Variants in IFT122 observed in about 807,000 individuals in gnomAD.
IFT122 encodes intraflagellar transport protein 122 homolog.
Under a neutral mutation model 161.6 loss-of-function variants are expected in IFT122, and 118 were observed. That is an observed-to-expected ratio of 0.73 (90% CI 0.63 to 0.85). IFT122 has a LOEUF of 0.85. Among genes scored for constraint, IFT122 ranks in the 40% least tolerant of loss-of-function variants. IFT122 has a pLI of 0.00. For synonymous variants in IFT122, 550 were observed against 602.4 expected, an observed-to-expected ratio of 0.91 and a Z score of 1.27; for missense variants, 1,381 against 1,579.6, an observed-to-expected ratio of 0.87 and a Z score of 2.13.
chr3:129,478,728 T>C (rs925314253), intron 12 of IFT122, among the ~76,000 whole-genome samples: 1 of 152,168 alleles, frequency 6.6e-6, no homozygotes, highest in African/African-American at 2.4e-5. Flanking sequence ...ATTATAGGTG[T>C]GAGCCACTGT....
In IFT122 at chr3:129,499,773, G is replaced by A. The variant is rs186594478; in HGVS notation, c.2209-129G>A. The stretch of plus-strand genomic sequence containing the variant: ...TCCCCCAACTCAGCCCCTCAGGGCC[G>A]GGCCCTGCCTACCTCCTGGTTGCCT... On this transcript the variant is annotated intron_variant, in intron 18 of 29. Transcript: ENST00000348417. 9.5e-4 allele frequency: 1,014 copies of A among 1,072,758 alleles called. 20 individuals are homozygous for A. The East Asian group carries it at 0.016, about 17-fold the overall frequency. The allele number at this position is 1,072,758 out of a possible 1,614,324, so 66.5% of individuals were successfully genotyped here.
chr3:129,514,345 G>C (rs1254491569), intron 24 of IFT122, 44 bp from the exon 25 acceptor site: 4 of 1,609,190 alleles, frequency 2.5e-6, no homozygotes, highest in Non-Finnish European at 2.5e-6. Flanking sequence ...GCCAGCTCCT[G>C]GGCCTGGTGT....
chr3:129,463,758 C>G (rs1410779731), intron 6 of IFT122, 132 bp downstream of exon 6: 1 of 714,952 alleles, frequency 1.4e-6, no homozygotes, highest in East Asian at 2.7e-5. Flanking sequence ...TTCCTTTTTT[C>G]TTCTTTCTTC....
chr3:129,477,738 G>A lies in IFT122; in HGVS notation c.1148-278G>A, dbSNP rs183161327. 3.3e-5 allele frequency among the ~76,000 whole-genome samples: 5 copies of A among 152,326 alleles called. No homozygotes were observed. In the East Asian group the frequency reaches 9.6e-4, roughly 29 times the overall value. On this transcript the variant is annotated intron_variant, in intron 11 of 29. Transcript: ENST00000348417. ...CCGGGGGCCACTAGTGCTGTGCAGA[G>A]GAGTTTATATTTGTATCCAGCAAGT... is the stretch of plus-strand genomic sequence containing the variant.
rs771488065 is a variant in IFT122 at position 129,479,799 on chromosome 3, G to T, written c.1365G>T (p.Gln455His). The T allele has an allele frequency of 2.5e-6, 4 of 1,614,068 alleles. No homozygotes were observed. Among genetic ancestry groups the T allele is most frequent in the Non-Finnish European group, 3.4e-6 (4 of 1,180,032 alleles). The part of the protein sequence containing the change: ...HIILCQEKRL[Q>H]CLSFSGVKER... ...TTGCTTCCTAGGAGAAACGGCTGCAGTGCCTGTCCTTCAGCGGAGTGAAGG... is the reference window on the plus strand; with the variant it reads ...TTGCTTCCTAGGAGAAACGGCTGCATTGCCTGTCCTTCAGCGGAGTGAAGG... Residue 455 changes from glutamine (Q) to histidine (H), a missense_variant, in exon 13 of 30, where the codon CAG becomes CAT. Physicochemically the swap from Gln to His is conservative, Grantham distance 24. Around this residue, in one of 7 missense-constraint regions of IFT122, gnomAD observed 544 missense variants for 648.0 expected, o/e 0.84. Transcript: ENST00000348417.
In IFT122 at chr3:129,477,878, G is replaced by A; in HGVS notation, c.1148-138G>A. 2 of 718,980 alleles carry A rather than the reference G, an allele frequency of 2.8e-6. 1 individual carries two copies. Among genetic ancestry groups the A allele is most frequent in the South Asian group, 3.3e-5 (2 of 60,364 alleles). 44.5% of individuals were successfully genotyped at this position (718,980 alleles called of 1,614,324 possible). On this transcript the variant is annotated intron_variant, in intron 11 of 29. Transcript: ENST00000348417. ...TCAGCAGAGTTGATTGTATGTATTA[G>A]ATACTCTAAAGATTTTTCAATGAGA...
intron 1 of IFT122, 93 bp downstream of exon 1, chr3:129,440,464 T>C: frequency 1.4e-6 from 2 of 1,444,030 alleles, no homozygotes; most frequent in African/African-American, 1.4e-5. Context: ...GGCAGCGGGC[T>C]TGCTGCCTGG....
At chr3:129,451,572 A>G (rs2074854006) in intron 2 of IFT122, among the ~76,000 whole-genome samples, 1 of 152,162 alleles carries the variant, frequency 6.6e-6, no homozygotes, top group South Asian at 2.1e-4. Flanking sequence ...GGCTCTTTTT[A>G]TGGGCTAGTT....
chr3:129,456,383 G>T, intron 3 of IFT122: 2 of 796,952 alleles, frequency 2.5e-6, no homozygotes, highest in South Asian at 3.8e-5. Flanking sequence ...TCATGCTTGT[G>T]ATCTCAGCAC....
chr3:129,492,161 C>T lies in IFT122; in HGVS notation c.2013C>T (p.Asp671=), dbSNP rs202175991. ...TAKKAFIRVQ[D]LRYLELISSI... ...CACAGGCCTTCATCAGAGTACAAGA[C>T]CTCCGATATTTAGAGCTCATCAGCA... is the stretch of plus-strand genomic sequence containing the variant. Residue 671 remains aspartate (D), a synonymous_variant, in exon 17 of 30, where the codon GAC becomes GAT. Transcript: ENST00000348417. 3 of 1,612,880 alleles carry T rather than the reference C, an allele frequency of 1.9e-6. No individual in the cohort carries two copies. Among genetic ancestry groups the T allele is most frequent in the Admixed American group, 1.7e-5 (1 of 60,020 alleles).
At chr3:129,501,311 G>A (rs1042306711) in intron 19 of IFT122, among the ~76,000 whole-genome samples, 4 of 152,182 alleles carry the variant, frequency 2.6e-5, no homozygotes, top group African/African-American at 9.7e-5. Context: ...TGGAAACAAC[G>A]TTGTGGTCTA....
intron 2 of IFT122, among the ~76,000 whole-genome samples, chr3:129,450,737 T>TG (rs1208980228): frequency 3.9e-5 from 4 of 103,512 alleles, no homozygotes; most frequent in Non-Finnish European, 7.2e-5. Flanking sequence ...TTTTTTTTTT[T>TG]GGAGACAGAG....
intron 15 of IFT122, among the ~76,000 whole-genome samples, chr3:129,486,974 G>A (rs1316476343): frequency 2.6e-5 from 4 of 152,144 alleles, no homozygotes; most frequent in Non-Finnish European, 5.9e-5. Flanking sequence ...ATAAGCACTT[G>A]GAAGCAGCCA....
chr3:129,458,700 A>G (rs1375725651), intron 4 of IFT122, 23 bp downstream of exon 4: 5 of 1,545,298 alleles, frequency 3.2e-6, no homozygotes, highest in Non-Finnish European at 4.5e-6. Context: ...GGTGTACAGT[A>G]TTATGAGTTT....
intron 26 of IFT122, among the ~76,000 whole-genome samples, chr3:129,516,816 GCA>G (rs1210937579): frequency 2.4e-5 from 2 of 84,370 alleles, no homozygotes; most frequent in Admixed American, 1.4e-4. Flanking sequence ...GACTGCCCCT[GCA>G]CACACACACA....
intron 22 of IFT122, among the ~76,000 whole-genome samples, chr3:129,507,166 C>T (rs2108586757): frequency 6.6e-6 from 1 of 152,356 alleles, no homozygotes; most frequent in Middle Eastern, 3.4e-3. Flanking sequence ...CCTTTGGTTG[C>T]TGGGAGCCTC....
At chr3:129,463,254 G>GTGGTCGC in intron 5 of IFT122, 1 of 330,992 alleles carries the variant, frequency 3.0e-6, no homozygotes, top group Non-Finnish European at 5.8e-6. Context: ...ATTGCCATCA[G>GTGGTCGC]CGTGACACAG....
At chr3:129,490,498 C>T (rs994273700) in intron 16 of IFT122, among the ~76,000 whole-genome samples, 31 of 152,194 alleles carry the variant, frequency 2.0e-4, no homozygotes, top group Non-Finnish European at 3.8e-4. Context: ...GGCACCCTGA[C>T]GCTGCAAAAT....
Position 129,472,108 on chromosome 3 carries a change from C to G in IFT122, c.816+2691C>G, listed in dbSNP as rs148945116. Among the ~76,000 whole-genome samples the G allele has an allele frequency of 1.6e-4, 24 of 152,276 alleles. No individual in the cohort carries two copies. The East Asian group carries it at 4.4e-3, about 28-fold the overall frequency. On this transcript the variant is annotated intron_variant, in intron 9 of 29. Coordinates refer to ENST00000348417, the MANE Select transcript of IFT122 (RefSeq NM_052989.3). ...ATATTAGAATGTCTATCAGATTAGTCTTGCAATGACCATTCAAAAGTTGTA... is the reference window on the plus strand; with the variant it reads ...ATATTAGAATGTCTATCAGATTAGTGTTGCAATGACCATTCAAAAGTTGTA...
Sources: gnomAD v4.1 joint callset for allele counts (sites outside exome capture counted in the v4.1 genomes callset) on GRCh38, gnomAD v4.1.1 for gene constraint, gnomAD v4.1.1 regional missense constraint, MANE v1.5 for transcripts, NCBI Gene and HGNC (gene_info 2026-07-23, HGNC 2026-07-21) for gene names.